PKP1: variants seen among roughly 807,000 people sequenced by gnomAD.
The protein encoded by PKP1 is plakophilin 1, also known as plakophilin-1.
A neutral mutation model predicts 76.4 loss-of-function variants in PKP1; 27 were observed. The ratio of observed to expected loss-of-function variants is 0.35; its 90% CI spans 0.26 to 0.49. The LOEUF (loss-of-function observed/expected upper bound fraction) is 0.49. Ranked by LOEUF, PKP1 falls within the 20% of genes least tolerant of loss-of-function variation. The probability of loss-of-function intolerance (pLI) is 0.99; values close to 1 mark genes in which losing one functional copy is unlikely to be tolerated. For synonymous variants in PKP1, 404 were observed against 384.2 expected (o/e 1.05, Z -0.60); for missense variants, 964 against 955.2 (o/e 1.01, Z -0.12).
intron 12 of PKP1, among the ~76,000 whole-genome samples, chr1:201,326,597 C>T (rs1315302705): frequency 6.6e-6 from 1 of 152,196 alleles, no homozygotes; most frequent in Admixed American, 6.5e-5. Flanking sequence ...AAAGACACAT[C>T]AGATGAGGAG....
chr1:201,316,314 C>T (rs1656746800), intron 3 of PKP1: 1 of 554,046 alleles, frequency 1.8e-6, no homozygotes, highest in African/African-American at 1.9e-5. Context: ...AGGACATTAA[C>T]TGTGACCAGG....
At position 201,313,595 on chromosome 1, in the gene PKP1, G is replaced by A. The variant is rs963600552; in HGVS notation, c.701+35G>A. 3.1e-6 allele frequency: 5 copies of A among 1,597,890 alleles called. No homozygotes were observed. The South Asian group carries it at 3.4e-5, about 11-fold the overall frequency. On this transcript the variant is annotated intron_variant, in intron 3 of 13. Coordinates refer to ENST00000367324, the MANE Select transcript of PKP1 (RefSeq NM_001005337.3). ...GCTGGGCTGGGTTGGGGAGCCAGGA[G>A]GGCCAGTGGGGAGACACACCCTTAG... is the stretch of plus-strand genomic sequence containing the variant.
chr1:201,287,425 T>G (rs1000881414), intron 1 of PKP1, among the ~76,000 whole-genome samples: 3 of 152,234 alleles, frequency 2.0e-5, no homozygotes, highest in African/African-American at 4.8e-5. Context: ...CCGAGTGTTC[T>G]GCTCATTAGA....
In PKP1 at chr1:201,318,661, A is replaced by G. The variant is rs1277138788; in HGVS notation, c.1098A>G (p.Glu366=). The G allele has an allele frequency of 2.7e-5, 44 of 1,612,074 alleles. No homozygotes were observed. The highest frequency in any genetic ancestry group is 3.6e-5 in the Non-Finnish European group (42 of 1,179,894). ...CTTCCACTGACGAGCTGAAGGAGGAACTCATTGCCGACGCCCTGCCTGTTC... is the reference window on the plus strand; with the variant it reads ...CTTCCACTGACGAGCTGAAGGAGGAGCTCATTGCCGACGCCCTGCCTGTTC... ...NLSSTDELKE[E]LIADALPVLA... Residue 366 remains glutamate (E), a synonymous_variant, in exon 6 of 14, where the codon GAA becomes GAG. Coordinates refer to ENST00000367324, the MANE Select transcript of PKP1 (RefSeq NM_001005337.3).
chr1:201,298,344 G>A (rs547171178), intron 2 of PKP1, among the ~76,000 whole-genome samples: 26 of 152,342 alleles, frequency 1.7e-4, no homozygotes, highest in Non-Finnish European at 1.5e-5. Flanking sequence ...GTGAAGCTGA[G>A]GCGTGTGGAC....
At chr1:201,291,971 G>A (rs1655927128) in intron 1 of PKP1, among the ~76,000 whole-genome samples, 1 of 152,230 alleles carries the variant, frequency 6.6e-6, no homozygotes, top group Non-Finnish European at 1.5e-5. Context: ...GAGAAAGGTG[G>A]AGGAAGAGCT....
At chr1:201,291,255 A>G (rs1655908834) in intron 1 of PKP1, among the ~76,000 whole-genome samples, 1 of 152,070 alleles carries the variant, frequency 6.6e-6, no homozygotes. Flanking sequence ...CCAACTACAG[A>G]TAGGTCTTAG....
At chr1:201,313,718 G>A (rs1656638925) in intron 3 of PKP1, among the ~76,000 whole-genome samples, 158 bp downstream of exon 3, 4 of 152,244 alleles carry the variant, frequency 2.6e-5, no homozygotes, top group African/African-American at 9.6e-5. Context: ...ACTCCCTAAT[G>A]GGGAGAACCT....
intron 6 of PKP1, 26 bp from the exon 7 acceptor site, chr1:201,320,241 C>G: frequency 6.7e-7 from 1 of 1,481,768 alleles, no homozygotes; most frequent in Non-Finnish European, 9.4e-7. Context: ...TTTCTCTGCC[C>G]TCTTCCACCC....
rs1234066164 is a variant in PKP1, at chr1:201,283,659, T to G, written c.-44T>G. The G allele has an allele frequency of 6.4e-7, 1 of 1,559,372 alleles. No homozygotes were observed. The highest frequency in any genetic ancestry group is 2.3e-5 in the East Asian group (1 of 43,230). ...TGCACCGCACCTCGCCTCGCCTCTC[T>G]GCTCTCCTAGGCCCCGGCCGCGCGC... On this transcript the variant is annotated 5_prime_UTR_variant, in exon 1 of 14. Transcript: ENST00000367324.
At chr1:201,319,295 G>A (rs1366369728) in intron 6 of PKP1, among the ~76,000 whole-genome samples, 2 of 152,230 alleles carry the variant, frequency 1.3e-5, no homozygotes, top group African/African-American at 2.4e-5. Context: ...CTGTGGGGCT[G>A]GTGGGAGGGC....
chr1:201,328,267 A>G (rs912946513), intron 12 of PKP1: 7 of 237,480 alleles, frequency 2.9e-5, no homozygotes, highest in African/African-American at 1.6e-4. Flanking sequence ...CTGGAGGTGA[A>G]GAACAGACAA....
intron 2 of PKP1, among the ~76,000 whole-genome samples, chr1:201,301,454 G>A (rs776904667): frequency 1.0e-5 from 1 of 100,466 alleles, no homozygotes; most frequent in Non-Finnish European, 2.3e-5. Flanking sequence ...GTTGTGTAGA[G>A]CTCTGAGTTG....
At chr1:201,285,591 G>A (rs1181725301) in intron 1 of PKP1, among the ~76,000 whole-genome samples, 1 of 152,160 alleles carries the variant, frequency 6.6e-6, no homozygotes, top group Non-Finnish European at 1.5e-5. Flanking sequence ...ACAGCCCAGA[G>A]CACAGCTCAA....
At chr1:201,303,103 C>A (rs959152558) in intron 2 of PKP1, among the ~76,000 whole-genome samples, 2 of 152,254 alleles carry the variant, frequency 1.3e-5, no homozygotes, top group African/African-American at 4.8e-5. Context: ...TCTACTGTCA[C>A]AATTTTTGCA....
intron 1 of PKP1, among the ~76,000 whole-genome samples, chr1:201,288,233 G>C (rs1019126585): frequency 6.6e-6 from 1 of 152,200 alleles, no homozygotes; most frequent in Non-Finnish European, 1.5e-5. Flanking sequence ...ACACTCTTTG[G>C]AAATAGATTT....
At chr1:201,284,676 T>A (rs1655676488) in intron 1 of PKP1, among the ~76,000 whole-genome samples, 1 of 152,172 alleles carries the variant, frequency 6.6e-6, no homozygotes, top group African/African-American at 2.4e-5. Context: ...CTTTCCCGAA[T>A]AGCCAATGCA....
At chr1:201,328,143 A>C (rs1657207069) in intron 12 of PKP1, among the ~76,000 whole-genome samples, 1 of 152,184 alleles carries the variant, frequency 6.6e-6, no homozygotes, top group Admixed American at 6.5e-5. Context: ...CTGCATTCAA[A>C]TCATGCTGTC....
At chr1:201,288,488 A>G (rs1655803614) in intron 1 of PKP1, among the ~76,000 whole-genome samples, 1 of 152,200 alleles carries the variant, frequency 6.6e-6, no homozygotes, top group African/African-American at 2.4e-5. Context: ...GAAAGATGGC[A>G]CGGGCATCAG....
Sources: allele counts gnomAD v4.1 joint callset (sites outside exome capture counted in the v4.1 genomes callset), GRCh38; gene constraint gnomAD v4.1.1; transcripts MANE v1.5; gene names NCBI Gene and HGNC (gene_info 2026-07-23, HGNC 2026-07-21).